Variants in TOM1L2 observed in about 807,000 individuals in gnomAD.
TOM1L2 encodes target of myb1 like 2 membrane trafficking protein, also known as TOM1-like protein 2.
In TOM1L2, 31 loss-of-function variants were observed where a neutral mutation model predicts 67.9. The ratio of observed to expected loss-of-function variants is 0.46; its 90% confidence interval spans 0.34 to 0.62. The LOEUF (loss-of-function observed/expected upper bound fraction) is 0.62. TOM1L2 is among the 20% of genes least tolerant of loss of function. The pLI, the probability that TOM1L2 is intolerant of heterozygous loss-of-function variation, is 0.01. For synonymous variants in TOM1L2, 256 were observed against 254.0 expected (o/e 1.01, Z -0.07); for missense variants, 606 against 663.5 (o/e 0.91, Z 0.95).
intron 1 of TOM1L2, among the ~76,000 whole-genome samples, chr17:17,952,371 ATTTTCTTTTTTTTTTTTT>A: frequency 3.2e-5 from 1 of 31,140 alleles, no homozygotes; most frequent in Non-Finnish European, 5.8e-5. Flanking sequence ...GTGCTTCTTT[ATTTTCTTTTTTTTTTTTT>A]TTTTTTTTTT....
intron 4 of TOM1L2, among the ~76,000 whole-genome samples, chr17:17,889,330 C>T (rs910041494): frequency 1.3e-5 from 2 of 152,206 alleles, no homozygotes; most frequent in African/African-American, 4.8e-5. Context: ...GGTAGGCTGA[C>T]CATGCCTGCG....
At chr17:17,862,971 G>GGGGGGGA in intron 10 of TOM1L2, 123 bp from the exon 11 acceptor site, 2 of 389,814 alleles carry the variant, frequency 5.1e-6, no homozygotes, top group Non-Finnish European at 1.0e-5. Flanking sequence ...GGTGGGGCGG[G>GGGGGGGA]ACTTTCCTTG....
chr17:17,967,608 C>T (rs2041917319), intron 1 of TOM1L2, among the ~76,000 whole-genome samples: 1 of 152,068 alleles, frequency 6.6e-6, no homozygotes, highest in African/African-American at 2.4e-5. Context: ...CTTTCTCTCT[C>T]TTTTTTTTCT....
At chr17:17,860,343 G>T (rs899762976) in intron 12 of TOM1L2, among the ~76,000 whole-genome samples, 1 of 152,236 alleles carries the variant, frequency 6.6e-6, no homozygotes, top group African/African-American at 2.4e-5. Context: ...CACTCCTGTG[G>T]AAAGGCACGG....
chr17:17,934,107 ATATTT>A (rs2040430509), intron 1 of TOM1L2, among the ~76,000 whole-genome samples: 1 of 152,218 alleles, frequency 6.6e-6, no homozygotes, highest in Admixed American at 6.5e-5. Context: ...TATATTTTTT[ATATTT>A]TATATTAAAA....
At chr17:17,894,748 C>A (rs888171933) in intron 3 of TOM1L2, among the ~76,000 whole-genome samples, 1 of 152,204 alleles carries the variant, frequency 6.6e-6, no homozygotes, top group Non-Finnish European at 1.5e-5. Flanking sequence ...CTAGCCAACA[C>A]GGCGAAGCCC....
At chr17:17,870,243 T>C (rs1317986572) in intron 7 of TOM1L2, among the ~76,000 whole-genome samples, 1 of 152,156 alleles carries the variant, frequency 6.6e-6, no homozygotes, top group Non-Finnish European at 1.5e-5. Flanking sequence ...GAGCCCTCTC[T>C]ACCCTTAGAA....
At chr17:17,961,560 A>AG (rs1381037094) in intron 1 of TOM1L2, among the ~76,000 whole-genome samples, 3 of 151,760 alleles carry the variant, frequency 2.0e-5, no homozygotes, top group Non-Finnish European at 2.9e-5. Flanking sequence ...GGGTGACAGA[A>AG]GGAGAACGTG....
chr17:17,955,213 T>G (rs140193192), intron 1 of TOM1L2, among the ~76,000 whole-genome samples: 50 of 151,544 alleles, frequency 3.3e-4, no homozygotes, highest in African/African-American at 1.2e-3. Flanking sequence ...AGCTGTTCTC[T>G]CCACCTCTTC....
In TOM1L2 at chr17:17,847,628, G is replaced by C; in HGVS notation, c.*7C>G. 1 of 1,602,980 alleles carries C rather than the reference G, an allele frequency of 6.2e-7. No individual in the cohort carries two copies. Among genetic ancestry groups the C allele is most frequent in the Non-Finnish European group, 8.5e-7 (1 of 1,174,220 alleles). ...CCGCCATCTGGGGAGGCAAACCACA[G>C]AGCTGCTCACAGGGCGAAGAGGGCA... On this transcript the variant is annotated 3_prime_UTR_variant, in exon 15 of 15. Transcript: ENST00000379504.
At position 17,847,444 on chromosome 17, in the gene TOM1L2, C is replaced by T. The variant is rs2035703546; in HGVS notation, c.*191G>A. 2.9e-6 allele frequency: 2 copies of T among 691,448 alleles called. No individual in the cohort carries two copies. The highest frequency in any genetic ancestry group is 2.3e-6 in the Non-Finnish European group (1 of 427,372). The allele number at this position is 691,448 out of a possible 1,614,324, so 42.8% of individuals were successfully genotyped here. On this transcript the variant is annotated 3_prime_UTR_variant, in exon 15 of 15. Coordinates refer to ENST00000379504, the MANE Select transcript of TOM1L2 (RefSeq NM_001082968.2). ...AGAGTCTCTGGCTGCAGTTGTCCCA[C>T]CACTCAGAGAAAAGAAGTGGCTGAA...
At chr17:17,962,046 G>T (rs918411690) in intron 1 of TOM1L2, among the ~76,000 whole-genome samples, 2 of 152,176 alleles carry the variant, frequency 1.3e-5, no homozygotes, top group Non-Finnish European at 2.9e-5. Context: ...CCTTAACAAG[G>T]AAGGAAACTT....
At chr17:17,879,281 G>T (rs996882742) in intron 7 of TOM1L2, among the ~76,000 whole-genome samples, 1 of 152,164 alleles carries the variant, frequency 6.6e-6, no homozygotes, top group African/African-American at 2.4e-5. Context: ...AAGTCAGAAA[G>T]AAAATACATC....
chr17:17,889,963 G>A (rs998908393), intron 4 of TOM1L2, among the ~76,000 whole-genome samples: 2 of 152,046 alleles, frequency 1.3e-5, no homozygotes, highest in Non-Finnish European at 1.5e-5. Flanking sequence ...CAGCCTAGCC[G>A]CATTGATATG....
chr17:17,871,198 G>A (rs1393751795), intron 7 of TOM1L2, among the ~76,000 whole-genome samples: 3 of 151,464 alleles, frequency 2.0e-5, no homozygotes, highest in East Asian at 3.9e-4. Flanking sequence ...GTGAAACCCC[G>A]TCTCTACTAA....
chr17:17,854,039 G>A (rs1214866096), intron 12 of TOM1L2, among the ~76,000 whole-genome samples: 1 of 152,238 alleles, frequency 6.6e-6, no homozygotes, highest in Non-Finnish European at 1.5e-5. Flanking sequence ...GCCTCAGGGC[G>A]TGAACCATGG....
chr17:17,924,971 T>C (rs1265636294), intron 1 of TOM1L2, among the ~76,000 whole-genome samples: 3 of 152,206 alleles, frequency 2.0e-5, no homozygotes, highest in African/African-American at 4.8e-5. Context: ...GATGTCTTTG[T>C]GATAATTCTT....
chr17:17,870,122 T>C (rs1336991930), intron 7 of TOM1L2, among the ~76,000 whole-genome samples: 1 of 152,146 alleles, frequency 6.6e-6, no homozygotes, highest in Admixed American at 6.5e-5. Context: ...ATTTTATGAC[T>C]GCATTAGGTA....
At chr17:17,961,479 G>A (rs939953657) in intron 1 of TOM1L2, among the ~76,000 whole-genome samples, 8 of 152,170 alleles carry the variant, frequency 5.3e-5, no homozygotes, top group African/African-American at 1.9e-4. Flanking sequence ...GGAGACTAAG[G>A]CAGGAGGATT....
Sources: allele counts gnomAD v4.1 joint callset (sites outside exome capture counted in the v4.1 genomes callset), GRCh38; gene constraint gnomAD v4.1.1; transcripts MANE v1.5; gene names NCBI Gene and HGNC (gene_info 2026-07-23, HGNC 2026-07-21).